The following TRPC5 variants were observed in gnomAD, a reference collection of about 807,000 sequenced individuals.
TRPC5 encodes transient receptor potential cation channel subfamily C member 5.
A neutral mutation model predicts 56.5 loss-of-function variants in TRPC5; 9 were observed. The ratio of observed to expected loss-of-function variants is 0.16; its 90% CI spans 0.10 to 0.28. The LOEUF (loss-of-function observed/expected upper bound fraction) is 0.28. TRPC5 is among the 10% of genes least tolerant of loss of function. The pLI, the probability that TRPC5 is intolerant of heterozygous loss-of-function variation, is 1.00. For missense variants in TRPC5, 469 were observed against 748.9 expected (o/e 0.63, Z 4.36); for synonymous variants, 282 against 278.5 (o/e 1.01, Z -0.13).
intron 3 of TRPC5, chrX:111,903,345 GGA>G (rs1203440034): frequency 2.7e-5 from 3 of 112,255 alleles, no homozygotes; most frequent in Non-Finnish European, 5.6e-5. Flanking sequence ...GGTGTTTTCA[GGA>G]GAGAGAAGCA....
intron 1 of TRPC5, among the ~76,000 whole-genome samples, chrX:112,079,951 T>C (rs947460786): frequency 4.5e-5 from 5 of 111,902 alleles, no homozygotes; most frequent in Non-Finnish European, 9.4e-5. Flanking sequence ...GTAGGCTTCA[T>C]TCGTGCTGAT....
At chrX:112,036,061 A>C (rs1929732194) in intron 1 of TRPC5, among the ~76,000 whole-genome samples, 1 of 110,886 alleles carries the variant, frequency 9.0e-6, no homozygotes, top group Non-Finnish European at 1.9e-5. Flanking sequence ...TCCTGCTTAT[A>C]CTGAGCCCAG....
intron 9 of TRPC5, among the ~76,000 whole-genome samples, chrX:111,779,965 A>G (rs1032500478): frequency 8.9e-6 from 1 of 112,026 alleles, no homozygotes; most frequent in Non-Finnish European, 1.9e-5. Flanking sequence ...TTTAAGATTT[A>G]TTATTATAAA....
intron 7 of TRPC5, among the ~76,000 whole-genome samples, chrX:111,817,444 G>A (rs755525876): frequency 2.6e-4 from 27 of 105,795 alleles, no homozygotes; most frequent in African/African-American, 9.4e-4. Flanking sequence ...CTCCTGCTTC[G>A]GCCTCCCAGT....
intron 2 of TRPC5, among the ~76,000 whole-genome samples, chrX:111,925,147 A>G (rs1291282357): frequency 1.8e-5 from 2 of 112,532 alleles, no homozygotes; most frequent in Non-Finnish European, 3.8e-5. Flanking sequence ...GAGTGAACAC[A>G]GTAGCTTTCA....
intron 3 of TRPC5, among the ~76,000 whole-genome samples, chrX:111,883,800 A>T (rs1924345056): frequency 1.8e-5 from 2 of 112,782 alleles, no homozygotes; most frequent in South Asian, 7.3e-4. Flanking sequence ...GTCTATGCCT[A>T]ATTATGTTGT....
chrX:111,936,613 C>T (rs1351387181), intron 2 of TRPC5, among the ~76,000 whole-genome samples: 8 of 101,602 alleles, frequency 7.9e-5, no homozygotes, highest in East Asian at 3.0e-4. Flanking sequence ...TTTGTTCTTG[C>T]GATAGTTTAC....
chrX:111,794,205 TAGTA>T (rs757468487), intron 7 of TRPC5, among the ~76,000 whole-genome samples: 8 of 112,094 alleles, frequency 7.1e-5, no homozygotes, highest in African/African-American at 1.3e-4. Flanking sequence ...AATTATATCT[TAGTA>T]AGACTTATTT....
At chrX:111,955,992 T>G (rs1039192164) in intron 1 of TRPC5, among the ~76,000 whole-genome samples, 8 of 112,706 alleles carry the variant, frequency 7.1e-5, no homozygotes, top group Non-Finnish European at 1.5e-4. Flanking sequence ...TCTAACAGGC[T>G]GCCTCAGAGG....
At chrX:111,785,014 A>G (rs776228160) in intron 7 of TRPC5, among the ~76,000 whole-genome samples, 4 of 112,447 alleles carry the variant, frequency 3.6e-5, no homozygotes, top group African/African-American at 1.3e-4. Flanking sequence ...GGCAGCAGAC[A>G]ACTCTGCAGA....
intron 1 of TRPC5, among the ~76,000 whole-genome samples, chrX:111,973,856 A>G (rs1161691505): frequency 8.9e-6 from 1 of 112,003 alleles, no homozygotes; most frequent in Non-Finnish European, 1.9e-5. Context: ...ATTGTATTAC[A>G]TATGTTGTAG....
chrX:112,037,654 C>T (rs1311176511), intron 1 of TRPC5, among the ~76,000 whole-genome samples: 2 of 111,478 alleles, frequency 1.8e-5, no homozygotes, highest in African/African-American at 6.5e-5. Flanking sequence ...ATTACTCTTA[C>T]CCTTTTCTAC....
intron 2 of TRPC5, among the ~76,000 whole-genome samples, chrX:111,947,230 G>A (rs950427529): frequency 3.6e-5 from 4 of 111,914 alleles, no homozygotes; most frequent in African/African-American, 1.3e-4. Context: ...GGTTAGGAGA[G>A]TGTGTTCAAG....
At chrX:111,793,467 A>G (rs1395803311) in intron 7 of TRPC5, among the ~76,000 whole-genome samples, 1 of 112,230 alleles carries the variant, frequency 8.9e-6, no homozygotes, top group East Asian at 2.8e-4. Context: ...ATCATTAATC[A>G]TTAGGAAAAT....
intron 2 of TRPC5, 57 bp downstream of exon 2, chrX:111,951,986 C>T: frequency 3.5e-6 from 4 of 1,155,903 alleles, no homozygotes; most frequent in Non-Finnish European, 4.6e-6. Flanking sequence ...TTCAGGGCTT[C>T]TGACCTGGTG....
chrX:111,837,191 G>T (rs986805579), intron 6 of TRPC5, among the ~76,000 whole-genome samples: 4 of 112,021 alleles, frequency 3.6e-5, no homozygotes, highest in African/African-American at 1.3e-4. Flanking sequence ...TGGCAAGTCA[G>T]ACCTATCACA....
chrX:111,961,090 G>A (rs140510688), intron 1 of TRPC5, among the ~76,000 whole-genome samples: 8,935 of 111,766 alleles, frequency 0.08, 343 homozygotes, highest in Non-Finnish European at 0.12. Context: ...GATTACAGGC[G>A]TCAGCCAACG....
intron 1 of TRPC5, among the ~76,000 whole-genome samples, chrX:111,967,277 G>A (rs1569528826): frequency 9.0e-6 from 1 of 111,310 alleles, no homozygotes; most frequent in Admixed American, 9.5e-5. Context: ...TACAAGGGAT[G>A]TGAAGGACCT....
intron 3 of TRPC5, among the ~76,000 whole-genome samples, chrX:111,891,604 G>A (rs893040475): frequency 9.0e-6 from 1 of 111,259 alleles, no homozygotes; most frequent in African/African-American, 3.3e-5. Context: ...GCAATGGTGC[G>A]ATCTCAGCTC....
Sources: allele counts gnomAD v4.1 joint callset (sites outside exome capture counted in the v4.1 genomes callset), GRCh38; gene constraint gnomAD v4.1.1; transcripts MANE v1.5; gene names NCBI Gene and HGNC (gene_info 2026-07-23, HGNC 2026-07-21).